USH2A: variants seen among roughly 807,000 people sequenced by gnomAD.
The protein encoded by USH2A is usherin.
USH2A carries 443 observed loss-of-function variants against 538.9 expected under a neutral mutation model. The observed-to-expected ratio is 0.82, with a 90% confidence interval of 0.76 to 0.89. USH2A has a LOEUF of 0.89. USH2A is among the 40% of genes least tolerant of loss of function. The probability of loss-of-function intolerance (pLI) is 0.00; values close to 1 mark genes in which losing one functional copy is unlikely to be tolerated. For synonymous variants in USH2A, 2,413 were observed against 2,273.5 expected, an observed-to-expected ratio of 1.06 and a Z score of -1.75; for missense variants, 6,633 against 6,324.8, an observed-to-expected ratio of 1.05 and a Z score of -1.65.
intron 44 of USH2A, among the ~76,000 whole-genome samples, chr1:215,846,574 G>A (rs1039636746): frequency 3.3e-4 from 50 of 152,058 alleles, no homozygotes; most frequent in Admixed American, 3.2e-3. Context: ...GCAGTCTTAT[G>A]TAGGAATATG....
chr1:215,643,501 T>TA (rs1212309204), intron 67 of USH2A, among the ~76,000 whole-genome samples: 3 of 150,700 alleles, frequency 2.0e-5, no homozygotes, highest in East Asian at 2.0e-4. Flanking sequence ...TTCTCCAATA[T>TA]AAAAAAACAC....
At chr1:216,142,230 A>G (rs1389226587) in intron 21 of USH2A, among the ~76,000 whole-genome samples, 2 of 152,224 alleles carry the variant, frequency 1.3e-5, no homozygotes, top group African/African-American at 2.4e-5. Context: ...AGGTAATGGT[A>G]GAAGGTAGGG....
In USH2A at chr1:216,090,840, T is replaced by C. The variant is rs1016630080; in HGVS notation, c.4759-1701A>G. 2.6e-5 allele frequency among the ~76,000 whole-genome samples: 4 copies of C among 152,280 alleles called. No individual in the cohort carries two copies. In the South Asian group the frequency reaches 8.3e-4, roughly 32 times the overall value. On this transcript the variant is annotated intron_variant, in intron 22 of 71. Transcript: ENST00000307340. The stretch of plus-strand genomic sequence containing the variant: ...ACTGGCTTACTTCTTAGCATACCCT[T>C]GCTAATGATGAAATTAATGAGCATT...
intron 49 of USH2A, among the ~76,000 whole-genome samples, chr1:215,802,407 A>G (rs1048476905): frequency 1.3e-5 from 2 of 152,118 alleles, no homozygotes; most frequent in African/African-American, 4.8e-5. Context: ...GAACTTCTAT[A>G]ACTCAAAAAC....
chr1:215,667,211 G>A (rs560217771), intron 64 of USH2A, among the ~76,000 whole-genome samples: 1 of 152,302 alleles, frequency 6.6e-6, no homozygotes, highest in African/African-American at 2.4e-5. Flanking sequence ...TACCTTTAGG[G>A]CATTCCATAT....
rs3063234 is a variant in USH2A, at chr1:216,231,554, C to CT, written c.2993+398dup. Among the ~76,000 whole-genome samples, 567 of 146,210 alleles carry CT rather than the reference C, an allele frequency of 3.9e-3. 7 individuals are homozygous for CT. Among genetic ancestry groups the CT allele is most frequent in the African/African-American group, 0.013 (535 of 39,904 alleles). Reference sequence around the variant, plus strand: ...AAAACATATCAATAACAAAAAAACACTTTTTTTTTTTTGAGACAGAGTCTT... The same window carrying CT: ...AAAACATATCAATAACAAAAAAACACTTTTTTTTTTTTTGAGACAGAGTCTT... On this transcript the variant is annotated intron_variant, in intron 14 of 71. Coordinates refer to ENST00000307340, the MANE Select transcript of USH2A (RefSeq NM_206933.4).
At chr1:215,861,980 C>T (rs1664329951) in intron 44 of USH2A, among the ~76,000 whole-genome samples, 1 of 151,652 alleles carries the variant, frequency 6.6e-6, no homozygotes, top group Admixed American at 6.6e-5. Context: ...GCTGGGACTA[C>T]AGGCATGCAC....
intron 21 of USH2A, among the ~76,000 whole-genome samples, chr1:216,133,100 C>T (rs145378545): frequency 3.9e-5 from 6 of 152,098 alleles, no homozygotes; most frequent in African/African-American, 1.4e-4. Context: ...TAGAAAATAC[C>T]TATTTTGTTA....
In USH2A at chr1:216,085,075, C is replaced by G. The variant is rs139381932; in HGVS notation, c.4988-198G>C. 4.1e-5 allele frequency: 24 copies of G among 592,370 alleles called. No individual in the cohort carries two copies. In the East Asian group the frequency reaches 4.9e-4, roughly 12 times the overall value. The allele number at this position is 592,370 out of a possible 1,614,324, so 36.7% of individuals were successfully genotyped here. ...GCAATTATAATGTTTAGTGCTGGTT[C>G]AAACCCATCATATCTGCAGAAACAG... On this transcript the variant is annotated intron_variant, in intron 24 of 71. Coordinates refer to ENST00000307340, the MANE Select transcript of USH2A (RefSeq NM_206933.4).
chr1:216,199,945 C>G lies in USH2A; in HGVS notation c.3493G>C (p.Val1165Leu), dbSNP rs727503734. The stretch of plus-strand genomic sequence containing the variant: ...GAGAGTGTTGTCCAGGTAAGTGTCA[C>G]AGAGTCTGAGCCAATAGGAATGATA... The part of the protein sequence containing the change: ...SYIIPIGSDS[V>L]TLTWTTLSNQ... The change falls in exon 17 of 72, where the codon GTG (valine) becomes CTG (leucine). Residue 1165 changes from valine to leucine, a missense_variant. Val to Leu is a conservative substitution (Grantham distance 32). Coordinates refer to ENST00000307340, the MANE Select transcript of USH2A (RefSeq NM_206933.4). 8 of 1,613,984 alleles carry G rather than the reference C, an allele frequency of 5.0e-6. No homozygotes were observed. Among genetic ancestry groups the G allele is most frequent in the Non-Finnish European group, 6.8e-6 (8 of 1,180,000 alleles).
At chr1:216,365,679 AT>A (rs146276635) in intron 3 of USH2A, among the ~76,000 whole-genome samples, 6,402 of 150,760 alleles carry the variant, frequency 0.042, 276 homozygotes, top group African/African-American at 0.11. Flanking sequence ...GGGATTAGCA[AT>A]TTTTTTTTTC....
intron 32 of USH2A, among the ~76,000 whole-genome samples, chr1:216,014,052 T>C (rs1473099617): frequency 4.0e-5 from 6 of 151,372 alleles, no homozygotes; most frequent in African/African-American, 4.9e-5. Flanking sequence ...GATGAAATGT[T>C]ACTAGTGTTC....
chr1:215,869,020 TA>T (rs1211099486), intron 43 of USH2A, among the ~76,000 whole-genome samples: 1 of 152,250 alleles, frequency 6.6e-6, no homozygotes, highest in Non-Finnish European at 1.5e-5. Flanking sequence ...ATATGCTTTT[TA>T]GCAAGTGCTG....
intron 61 of USH2A, among the ~76,000 whole-genome samples, chr1:215,721,835 G>A (rs555531261): frequency 1.3e-5 from 2 of 152,096 alleles, no homozygotes; most frequent in Admixed American, 6.6e-5. Context: ...ACGCCGCAGC[G>A]GGAGGATCTC....
In USH2A at chr1:216,189,056, G is replaced by A. The variant is rs137886505; in HGVS notation, c.4396+1167C>T. On this transcript the variant is annotated intron_variant, in intron 20 of 71. Coordinates refer to ENST00000307340, the MANE Select transcript of USH2A (RefSeq NM_206933.4). ...TACAAAAACAGATAGTTTTATAGGA[G>A]AAGAGTGTTTTGTACAAGCTAGGTA... Among the ~76,000 whole-genome samples, 244 of 152,042 alleles carry A rather than the reference G, an allele frequency of 1.6e-3. 2 individuals are homozygous for A. The highest frequency in any genetic ancestry group is 2.5e-3 in the Non-Finnish European group (173 of 67,920).
At chr1:215,898,316 G>A (rs1384578047) in intron 40 of USH2A, among the ~76,000 whole-genome samples, 2 of 152,176 alleles carry the variant, frequency 1.3e-5, no homozygotes, top group African/African-American at 2.4e-5. Flanking sequence ...AACAATGGAG[G>A]GTCTCTGGGT....
At chr1:216,082,172 A>G (rs1470692323) in intron 26 of USH2A, among the ~76,000 whole-genome samples, 1 of 152,128 alleles carries the variant, frequency 6.6e-6, no homozygotes, top group African/African-American at 2.4e-5. Context: ...TCATTCATTC[A>G]TTCAACAATA....
chr1:216,168,537 A>T (rs561543914), intron 21 of USH2A, among the ~76,000 whole-genome samples: 1 of 152,136 alleles, frequency 6.6e-6, no homozygotes, highest in Non-Finnish European at 1.5e-5. Context: ...TTTACAATTT[A>T]GTTTTGAAAC....
At chr1:215,931,564 A>G (rs1332346293) in intron 38 of USH2A, among the ~76,000 whole-genome samples, 1 of 152,026 alleles carries the variant, frequency 6.6e-6, no homozygotes, top group African/African-American at 2.4e-5. Context: ...CCTACATTGG[A>G]CAGTGGTGTA....
Sources: allele counts gnomAD v4.1 joint callset (sites outside exome capture counted in the v4.1 genomes callset), GRCh38; gene constraint gnomAD v4.1.1; transcripts MANE v1.5; gene names NCBI Gene and HGNC (gene_info 2026-07-23, HGNC 2026-07-21).